Variants in ADCK1 observed in about 807,000 individuals in gnomAD.
ADCK1 encodes aarF domain containing kinase 1.
Under a neutral mutation model 52.3 loss-of-function variants are expected in ADCK1, and 41 were observed. The observed-to-expected ratio is 0.78, with a 90% CI of 0.61 to 1.02. The LOEUF (loss-of-function observed/expected upper bound fraction) is 1.02, where lower values mean the gene tolerates loss of function less well. Among genes scored for constraint, ADCK1 ranks in the 50% least tolerant of loss-of-function variants. The pLI is 0.00. For missense variants in ADCK1, 658 were observed against 679.5 expected (o/e 0.97, Z 0.35); for synonymous variants, 250 against 274.6 (o/e 0.91, Z 0.89).
intron 7 of ADCK1, among the ~76,000 whole-genome samples, chr14:77,913,492 T>G (rs1425640724): frequency 6.6e-6 from 1 of 152,186 alleles, no homozygotes; most frequent in African/African-American, 2.4e-5. Flanking sequence ...TGCCAGTCAC[T>G]TTAAGAGCTG....
rs1595110195 is a variant in ADCK1, at chr14:77,931,189, T to TG, written c.1207-324dup. Among the ~76,000 whole-genome samples the TG allele has an allele frequency of 5.3e-5, 8 of 152,292 alleles. No individual in the cohort carries two copies. The South Asian group carries it at 1.7e-3, about 32-fold the overall frequency. On this transcript the variant is annotated intron_variant, in intron 9 of 10. Transcript: ENST00000238561. ...ACCAGACTCAGCTGGTACTGGCTTC[T>TG]GGGGGTCCTTCCAGACCTGATCTAA... is the stretch of plus-strand genomic sequence containing the variant.
At chr14:77,900,770 A>T (rs1260571384) in intron 6 of ADCK1, 2 of 337,688 alleles carry the variant, frequency 5.9e-6, no homozygotes, top group Non-Finnish European at 1.2e-5. Flanking sequence ...ACACATAAGC[A>T]CATCCAAAAT....
At chr14:77,860,659 G>A (rs188413870) in intron 4 of ADCK1, among the ~76,000 whole-genome samples, 92 of 152,328 alleles carry the variant, frequency 6.0e-4, no homozygotes, top group African/African-American at 2.2e-3. Context: ...CAGGGAGCAG[G>A]CTGCAAGCTG....
intron 5 of ADCK1, among the ~76,000 whole-genome samples, chr14:77,897,227 G>A (rs1225551100): frequency 1.3e-5 from 2 of 152,160 alleles, no homozygotes; most frequent in African/African-American, 4.8e-5. Flanking sequence ...AGAATTACTG[G>A]GTCAATCAGT....
intron 4 of ADCK1, among the ~76,000 whole-genome samples, chr14:77,876,599 C>T (rs1347429305): frequency 6.6e-6 from 1 of 152,224 alleles, no homozygotes; most frequent in Admixed American, 6.5e-5. Flanking sequence ...CTGGTTACCT[C>T]TGTAGTGGTG....
At chr14:77,900,105 A>G (rs907388190) in intron 6 of ADCK1, among the ~76,000 whole-genome samples, 2 of 151,542 alleles carry the variant, frequency 1.3e-5, no homozygotes, top group Non-Finnish European at 2.9e-5. Flanking sequence ...TCAGTAATAC[A>G]GTAATATAGG....
intron 3 of ADCK1, among the ~76,000 whole-genome samples, chr14:77,851,658 T>G (rs1266846387): frequency 6.6e-6 from 1 of 152,194 alleles, no homozygotes; most frequent in Non-Finnish European, 1.5e-5. Flanking sequence ...TAATGATTGC[T>G]TTAGTTTATA....
chr14:77,806,253 T>G (rs2081224222), intron 1 of ADCK1, among the ~76,000 whole-genome samples: 1 of 151,950 alleles, frequency 6.6e-6, no homozygotes, highest in African/African-American at 2.4e-5. Context: ...AAGGTGGTTT[T>G]AGGTCTCTGA....
intron 3 of ADCK1, among the ~76,000 whole-genome samples, chr14:77,842,409 A>T (rs2082086211): frequency 6.7e-6 from 1 of 149,636 alleles, no homozygotes; most frequent in Non-Finnish European, 1.5e-5. Context: ...CTGAGGTTAG[A>T]GTGAGGCCTT....
intron 9 of ADCK1, among the ~76,000 whole-genome samples, chr14:77,930,980 G>A (rs1441312541): frequency 1.3e-4 from 20 of 152,192 alleles, no homozygotes; most frequent in Admixed American, 1.3e-3. Context: ...GGCTAATCCT[G>A]GATCCTAGGC....
intron 1 of ADCK1, among the ~76,000 whole-genome samples, chr14:77,812,530 T>C (rs2081356959): frequency 6.6e-6 from 1 of 152,190 alleles, no homozygotes; most frequent in Admixed American, 6.6e-5. Flanking sequence ...TCACAATTTC[T>C]TCATCCATTT....
At chr14:77,876,835 C>T (rs903187719) in intron 4 of ADCK1, among the ~76,000 whole-genome samples, 1 of 152,324 alleles carries the variant, frequency 6.6e-6, no homozygotes, top group Non-Finnish European at 1.5e-5. Flanking sequence ...GGGTTTACCT[C>T]CCTTTAAAAT....
intron 5 of ADCK1, among the ~76,000 whole-genome samples, chr14:77,897,573 A>G (rs1310396110): frequency 6.6e-6 from 1 of 152,200 alleles, no homozygotes; most frequent in African/African-American, 2.4e-5. Context: ...GTCATCACTC[A>G]AGAATCCACA....
chr14:77,834,140 A>G (rs1199784907), intron 3 of ADCK1, among the ~76,000 whole-genome samples: 1 of 152,178 alleles, frequency 6.6e-6, no homozygotes, highest in Non-Finnish European at 1.5e-5. Context: ...ACACTTCTTT[A>G]TAACCAACTA....
intron 6 of ADCK1, among the ~76,000 whole-genome samples, chr14:77,907,377 C>T (rs1006855228): frequency 6.6e-6 from 1 of 152,246 alleles, no homozygotes; most frequent in African/African-American, 2.4e-5. Context: ...GCTCAATACA[C>T]ACAATGCACC....
chr14:77,867,881 AG>A (rs1335505529), intron 4 of ADCK1, among the ~76,000 whole-genome samples: 2 of 152,230 alleles, frequency 1.3e-5, no homozygotes, highest in Non-Finnish European at 2.9e-5. Flanking sequence ...TCACATGAAT[AG>A]GGCTGTGGTG....
At chr14:77,903,891 G>A (rs2140248501) in intron 6 of ADCK1, among the ~76,000 whole-genome samples, 1 of 152,170 alleles carries the variant, frequency 6.6e-6, no homozygotes, top group East Asian at 1.9e-4. Context: ...TTTGCAGAGT[G>A]ATTTATATTC....
At chr14:77,909,441 G>A (rs2083743059) in intron 7 of ADCK1, among the ~76,000 whole-genome samples, 2 of 152,138 alleles carry the variant, frequency 1.3e-5, no homozygotes. Context: ...GGCTGTGAAT[G>A]CTCTTTTCTA....
chr14:77,812,566 A>G (rs1213624790), intron 1 of ADCK1, among the ~76,000 whole-genome samples: 2 of 152,104 alleles, frequency 1.3e-5, no homozygotes, highest in South Asian at 2.1e-4. Context: ...GGTTGTTTCT[A>G]CATCTTGGCT....
Sources: gnomAD v4.1 joint callset for allele counts (sites outside exome capture counted in the v4.1 genomes callset) on GRCh38, gnomAD v4.1.1 for gene constraint, MANE v1.5 for transcripts, NCBI Gene and HGNC (gene_info 2026-07-23, HGNC 2026-07-21) for gene names.